The following PCDH15 variants were observed in gnomAD, a reference collection of about 807,000 sequenced individuals.
PCDH15 encodes protocadherin related 15.
In PCDH15, 129 loss-of-function variants were observed where a neutral mutation model predicts 178.5. That is an observed-to-expected ratio of 0.72 (90% CI 0.63 to 0.84). The LOEUF (loss-of-function observed/expected upper bound fraction) is 0.84, where lower values mean the gene tolerates loss of function less well. Ranked by LOEUF, PCDH15 falls within the 40% of genes least tolerant of loss-of-function variation. The pLI is 0.00. For synonymous variants in PCDH15, 800 were observed against 732.0 expected (o/e 1.09, Z -1.50); for missense variants, 2,230 against 2,099.9 (o/e 1.06, Z -1.21).
intron 1 of PCDH15, among the ~76,000 whole-genome samples, chr10:54,672,682 T>C (rs1347012978): frequency 2.0e-5 from 3 of 152,186 alleles, no homozygotes. Flanking sequence ...GCATTCCATA[T>C]TGTTAATTAT....
At chr10:53,984,932 G>A (rs938884072) in intron 21 of PCDH15, among the ~76,000 whole-genome samples, 10 of 152,120 alleles carry the variant, frequency 6.6e-5, no homozygotes, top group Non-Finnish European at 1.3e-4. Context: ...GAAGAACTGT[G>A]ACACGGGAGC....
intron 1 of PCDH15, among the ~76,000 whole-genome samples, chr10:55,211,227 T>C (rs558064611): frequency 9.9e-5 from 15 of 152,108 alleles, no homozygotes; most frequent in African/African-American, 2.9e-4. Context: ...CTGGATAACA[T>C]GGATGATAGG....
At chr10:54,707,533 CAAATAATA>C (rs1327947088) in intron 1 of PCDH15, among the ~76,000 whole-genome samples, 1 of 152,034 alleles carries the variant, frequency 6.6e-6, no homozygotes, top group Non-Finnish European at 1.5e-5. Context: ...AATAAATACA[CAAATAATA>C]AAATAATTAA....
chr10:55,566,810 T>C (rs988930759), intron 2 of PCDH15, among the ~76,000 whole-genome samples: 7 of 151,904 alleles, frequency 4.6e-5, no homozygotes, highest in Non-Finnish European at 8.8e-5. Flanking sequence ...GCATCTCATA[T>C]TCATGATTGG....
chr10:54,126,500 ATATT>A, intron 15 of PCDH15, among the ~76,000 whole-genome samples: 1 of 152,182 alleles, frequency 6.6e-6, no homozygotes, highest in African/African-American at 2.4e-5. Flanking sequence ...ATTTTAATAA[ATATT>A]TATTGAATAT....
intron 5 of PCDH15, among the ~76,000 whole-genome samples, chr10:54,364,506 A>G (rs1946519851): frequency 6.6e-6 from 1 of 152,166 alleles, no homozygotes; most frequent in African/African-American, 2.4e-5. Flanking sequence ...TATATGTTCC[A>G]TCCATGTGCC....
Position 53,823,033 on chromosome 10 carries a change from C to T in PCDH15, c.4368-2803G>A, listed in dbSNP as rs147313415. On this transcript the variant is annotated intron_variant, in intron 32 of 37. Transcript: ENST00000644397. ...AGCCTCTGAATCTTTTCTCTTGGGCCCCTCAGAGACTTACTCTTGGCTTGT... is the reference window on the plus strand; with the variant it reads ...AGCCTCTGAATCTTTTCTCTTGGGCTCCTCAGAGACTTACTCTTGGCTTGT... 36 of 1,613,866 alleles carry T rather than the reference C, an allele frequency of 2.2e-5. No homozygotes were observed. The African/African-American group carries it at 4.4e-4, about 20-fold the overall frequency.
chr10:53,914,327 T>G (rs1023985487), intron 25 of PCDH15, among the ~76,000 whole-genome samples: 22 of 152,150 alleles, frequency 1.4e-4, no homozygotes, highest in Non-Finnish European at 2.6e-4. Context: ...ATGTTTATTG[T>G]GGCACTATTC....
At chr10:54,679,207 A>C (rs866207199) in intron 1 of PCDH15, among the ~76,000 whole-genome samples, 2,492 of 151,510 alleles carry the variant, frequency 0.016, 67 homozygotes, top group African/African-American at 0.056. Context: ...AAAAAAAAAA[A>C]AAAACATACA....
chr10:55,535,392 A>C (rs1199450971), intron 2 of PCDH15, among the ~76,000 whole-genome samples: 1 of 152,116 alleles, frequency 6.6e-6, no homozygotes, highest in Admixed American at 6.6e-5. Flanking sequence ...TACTAGGGCA[A>C]CAAAATCATA....
At chr10:55,214,866 G>C (rs1302800151) in intron 1 of PCDH15, among the ~76,000 whole-genome samples, 1 of 151,984 alleles carries the variant, frequency 6.6e-6, no homozygotes, top group Admixed American at 6.6e-5. Context: ...CTGTAATAAA[G>C]ACTCTCTGGC....
intron 2 of PCDH15, among the ~76,000 whole-genome samples, chr10:55,077,426 CCTT>C (rs1841928649): frequency 1.1e-5 from 1 of 89,190 alleles, no homozygotes; most frequent in African/African-American, 3.4e-5. Context: ...TTCCTTCCTT[CCTT>C]CCTTCCTTTC....
At chr10:55,176,351 A>G (rs1839486177) in intron 1 of PCDH15, among the ~76,000 whole-genome samples, 1 of 152,060 alleles carries the variant, frequency 6.6e-6, no homozygotes, top group African/African-American at 2.4e-5. Context: ...TATGGGAACC[A>G]CCATCCTTAT....
chr10:55,189,265 C>A (rs1018295097), intron 1 of PCDH15, among the ~76,000 whole-genome samples: 3 of 151,828 alleles, frequency 2.0e-5, no homozygotes, highest in African/African-American at 7.2e-5. Context: ...CTAGACTGTG[C>A]AAATCTAAAA....
intron 15 of PCDH15, among the ~76,000 whole-genome samples, chr10:54,121,567 G>A (rs72797040): frequency 6.6e-6 from 1 of 151,972 alleles, no homozygotes; most frequent in Non-Finnish European, 1.5e-5. Context: ...TTAATAAAGA[G>A]AAGAAAAGAA....
intron 3 of PCDH15, among the ~76,000 whole-genome samples, chr10:54,881,674 A>G (rs1019320828): frequency 6.6e-6 from 1 of 152,122 alleles, no homozygotes; most frequent in African/African-American, 2.4e-5. Context: ...ACCTCAAAAA[A>G]CAGTGTACCT....
chr10:55,307,393 C>T (rs991916457), intron 1 of PCDH15, among the ~76,000 whole-genome samples: 8 of 151,738 alleles, frequency 5.3e-5, no homozygotes, highest in Admixed American at 4.6e-4. Flanking sequence ...ATCCCAGCTA[C>T]TCGGGAGGCT....
intron 1 of PCDH15, among the ~76,000 whole-genome samples, chr10:55,305,896 C>T (rs760931292): frequency 2.6e-5 from 4 of 151,948 alleles, no homozygotes; most frequent in Non-Finnish European, 5.9e-5. Flanking sequence ...ATGAACATGC[C>T]CAATGACAAA....
At chr10:55,506,431 G>C (rs1840760222) in intron 2 of PCDH15, 1 of 151,538 alleles carries the variant, frequency 6.6e-6, no homozygotes, top group Non-Finnish European at 1.5e-5. Flanking sequence ...AATACTATTT[G>C]TGTGTGTGGG....
Sources: allele counts gnomAD v4.1 joint callset (sites outside exome capture counted in the v4.1 genomes callset), GRCh38; gene constraint gnomAD v4.1.1; transcripts MANE v1.5; gene names NCBI Gene and HGNC (gene_info 2026-07-23, HGNC 2026-07-21).